Variants in AMBRA1 observed in about 807,000 individuals in gnomAD.
AMBRA1 encodes activating molecule in BECN1-regulated autophagy protein 1.
A neutral mutation model predicts 125.4 loss-of-function variants in AMBRA1; 47 were observed. That is an observed-to-expected ratio of 0.37 (90% CI 0.30 to 0.48). The LOEUF (loss-of-function observed/expected upper bound fraction) is 0.48. Ranked by LOEUF, AMBRA1 falls within the 20% of genes least tolerant of loss-of-function variation. AMBRA1 has a pLI of 0.99. For missense variants in AMBRA1, 1,331 were observed against 1,693.4 expected, an observed-to-expected ratio of 0.79 and a Z score of 3.76; for synonymous variants, 626 against 655.5, an observed-to-expected ratio of 0.95 and a Z score of 0.69.
intron 1 of AMBRA1, among the ~76,000 whole-genome samples, chr11:46,592,226 C>T (rs957580921): frequency 2.6e-5 from 4 of 151,894 alleles, no homozygotes; most frequent in Admixed American, 2.6e-4. Context: ...TGAGCCACTG[C>T]GCCCGACAGG....
At chr11:46,533,980 C>T (rs1468122321) in intron 7 of AMBRA1, among the ~76,000 whole-genome samples, 7 of 151,432 alleles carry the variant, frequency 4.6e-5, no homozygotes, top group African/African-American at 1.2e-4. Flanking sequence ...CTAGTGTCGA[C>T]GGGGTTTGTT....
chr11:46,499,084 G>C (rs183921277), intron 9 of AMBRA1, among the ~76,000 whole-genome samples: 12 of 152,304 alleles, frequency 7.9e-5, no homozygotes, highest in Non-Finnish European at 1.6e-4. Context: ...ATAGCTAATA[G>C]CATAGGTCTC....
intron 14 of AMBRA1, among the ~76,000 whole-genome samples, chr11:46,428,108 A>G (rs554547323): frequency 6.6e-6 from 1 of 151,288 alleles, no homozygotes; most frequent in East Asian, 2.0e-4. Context: ...AGCGCTCTAG[A>G]GGGAGAAGGG....
intron 3 of AMBRA1, 54 bp downstream of exon 3, chr11:46,547,763 T>G: frequency 6.5e-7 from 1 of 1,545,622 alleles, no homozygotes. Context: ...CCAGGCCAAA[T>G]ATACAGAAAG....
chr11:46,563,377 A>G (rs2043403144), intron 1 of AMBRA1, among the ~76,000 whole-genome samples: 1 of 152,108 alleles, frequency 6.6e-6, no homozygotes. Flanking sequence ...GGTGTATATA[A>G]CTACGCCCCA....
At chr11:46,478,810 A>C (rs1005409060) in intron 11 of AMBRA1, among the ~76,000 whole-genome samples, 2 of 151,732 alleles carry the variant, frequency 1.3e-5, no homozygotes, top group African/African-American at 4.8e-5. Flanking sequence ...ATGCACCACC[A>C]TGCCCGAAGA....
intron 15 of AMBRA1, among the ~76,000 whole-genome samples, chr11:46,413,679 C>CA (rs1361201415): frequency 6.6e-6 from 1 of 152,100 alleles, no homozygotes; most frequent in African/African-American, 2.4e-5. Context: ...TCAGTAGAGA[C>CA]AGTGTTTCGC....
At chr11:46,488,859 G>A (rs546565835) in intron 11 of AMBRA1, among the ~76,000 whole-genome samples, 1 of 152,246 alleles carries the variant, frequency 6.6e-6, no homozygotes, top group South Asian at 2.1e-4. Context: ...AAAGTAATAG[G>A]TCAAAGAAGT....
intron 7 of AMBRA1, among the ~76,000 whole-genome samples, chr11:46,516,018 A>G (rs1453940773): frequency 6.6e-6 from 1 of 152,052 alleles, no homozygotes; most frequent in Non-Finnish European, 1.5e-5. Context: ...TCCCACCTTA[A>G]CTTCCTACCT....
At chr11:46,549,337 G>A (rs1317339577) in intron 1 of AMBRA1, among the ~76,000 whole-genome samples, 1 of 152,148 alleles carries the variant, frequency 6.6e-6, no homozygotes, top group Non-Finnish European at 1.5e-5. Flanking sequence ...CACTATGAAT[G>A]TTTTAAAAAA....
intron 11 of AMBRA1, among the ~76,000 whole-genome samples, chr11:46,446,526 A>C (rs1269819659): frequency 6.6e-6 from 1 of 152,226 alleles, no homozygotes; most frequent in South Asian, 2.1e-4. Context: ...TAATGACAGA[A>C]TGGAACAAGC....
intron 15 of AMBRA1, among the ~76,000 whole-genome samples, chr11:46,416,351 G>A (rs945068469): frequency 2.0e-5 from 3 of 152,170 alleles, no homozygotes; most frequent in African/African-American, 7.2e-5. Context: ...ATGCTCTCTG[G>A]ATGCTCCAGA....
intron 7 of AMBRA1, among the ~76,000 whole-genome samples, chr11:46,525,327 C>CG (rs1312833224): frequency 6.6e-6 from 1 of 151,930 alleles, no homozygotes; most frequent in Non-Finnish European, 1.5e-5. Flanking sequence ...ATAGGCCAGG[C>CG]GCGGTGGCTC....
chr11:46,486,109 T>C (rs1950259547), intron 11 of AMBRA1, among the ~76,000 whole-genome samples: 1 of 152,216 alleles, frequency 6.6e-6, no homozygotes, highest in Non-Finnish European at 1.5e-5. Flanking sequence ...ATTGGGTTAA[T>C]TATTAAAGCA....
In AMBRA1 at chr11:46,413,808, A is replaced by C. The variant is rs150053199; in HGVS notation, c.3117-3440T>G. ...GCCCGGCCTGAAACTCTTAGCTTTC[A>C]ATACCCAGTGTCACTGACTGTCTGT... On this transcript the variant is annotated intron_variant, in intron 15 of 17. Transcript: ENST00000683756. Among the ~76,000 whole-genome samples, 112 of 152,330 alleles carry C rather than the reference A, an allele frequency of 7.4e-4. 1 individual carries two copies. Among genetic ancestry groups the C allele is most frequent in the East Asian group, 4.6e-3 (24 of 5,186 alleles).
At chr11:46,457,934 C>T (rs1005880904) in intron 11 of AMBRA1, among the ~76,000 whole-genome samples, 1 of 151,738 alleles carries the variant, frequency 6.6e-6, no homozygotes, top group African/African-American at 2.4e-5. Flanking sequence ...ACATTCCACC[C>T]TACTGGCCCA....
chr11:46,568,472 CAAA>C (rs968659647), intron 1 of AMBRA1, among the ~76,000 whole-genome samples: 1 of 150,074 alleles, frequency 6.7e-6, no homozygotes, highest in Non-Finnish European at 1.5e-5. Context: ...AAACAAAAAA[CAAA>C]AAACAAAAAA....
chr11:46,523,872 T>C (rs1262027554), intron 7 of AMBRA1, among the ~76,000 whole-genome samples: 2 of 152,182 alleles, frequency 1.3e-5, no homozygotes, highest in African/African-American at 4.8e-5. Context: ...TTTATTCATT[T>C]ATTTATTTAT....
chr11:46,440,042 T>C (rs1021974551), intron 12 of AMBRA1, among the ~76,000 whole-genome samples: 16 of 152,094 alleles, frequency 1.1e-4, no homozygotes, highest in African/African-American at 3.6e-4. Flanking sequence ...ACGAGCTGTA[T>C]AGAGTGTGGT....
Sources: gnomAD v4.1 joint callset for allele counts (sites outside exome capture counted in the v4.1 genomes callset) on GRCh38, gnomAD v4.1.1 for gene constraint, MANE v1.5 for transcripts, NCBI Gene and HGNC (gene_info 2026-07-23, HGNC 2026-07-21) for gene names.